SYBU: variants seen among roughly 807,000 people sequenced by gnomAD.
The protein encoded by SYBU is syntabulin, also known as GOLSYN A protein.
Under a neutral mutation model 35.9 loss-of-function variants are expected in SYBU, and 21 were observed. The observed-to-expected ratio is 0.58, with a 90% confidence interval of 0.41 to 0.84. The LOEUF is 0.84. Among genes scored for constraint, SYBU ranks in the 40% least tolerant of loss-of-function variants. The pLI is 0.00. For synonymous variants in SYBU, 319 were observed against 324.3 expected (o/e 0.98, Z 0.18); for missense variants, 768 against 848.2 (o/e 0.91, Z 1.17).
intron 3 of SYBU, among the ~76,000 whole-genome samples, chr8:109,591,069 A>G (rs1824183942): frequency 6.6e-6 from 1 of 152,234 alleles, no homozygotes; most frequent in African/African-American, 2.4e-5. Flanking sequence ...AAGACAACCT[A>G]GTTGTCCATC....
chr8:109,580,034 C>A (rs555733759), intron 4 of SYBU, 32 bp from the exon 5 acceptor site: 23 of 1,602,522 alleles, frequency 1.4e-5, no homozygotes, highest in Non-Finnish European at 1.8e-5. Context: ...TGTTAAAATT[C>A]TTGGGGCTAC....
Position 109,575,598 on chromosome 8 carries a change from T to C in SYBU, c.1300A>G (p.Ser434Gly). Reference sequence around the variant, plus strand: ...AACAAATCTGTGCTGTTGGCTATGCTATCTCCTACCAGTAGCTCCCTGTCA... The same window carrying C: ...AACAAATCTGTGCTGTTGGCTATGCCATCTCCTACCAGTAGCTCCCTGTCA... ...GADRELLVGD[S>G]IANSTDLFDE... is the part of the protein sequence containing the mutation. The change falls in exon 7 of 7, where the codon AGC becomes GGC. Residue 434 changes from serine (S) to glycine (G), a missense_variant. Ser to Gly is a moderately conservative substitution (Grantham distance 56, BLOSUM62 0). Coordinates refer to ENST00000276646, the MANE Select transcript of SYBU (RefSeq NM_001099754.2). The C allele has an allele frequency of 6.2e-7, 1 of 1,614,140 alleles. No homozygotes were observed. The highest frequency in any genetic ancestry group is 8.5e-7 in the Non-Finnish European group (1 of 1,180,028).
At chr8:109,673,977 G>A (rs1010374400) in intron 1 of SYBU, among the ~76,000 whole-genome samples, 2 of 152,060 alleles carry the variant, frequency 1.3e-5, no homozygotes, top group African/African-American at 4.8e-5. Context: ...GACAAGATTA[G>A]AGAAAAAAGA....
chr8:109,588,042 T>C (rs1438418096), intron 3 of SYBU, among the ~76,000 whole-genome samples: 1 of 152,216 alleles, frequency 6.6e-6, no homozygotes, highest in Non-Finnish European at 1.5e-5. Flanking sequence ...CAACCAGCTT[T>C]GTTTGCTAGT....
chr8:109,680,032 A>G (rs1332605090), intron 1 of SYBU, among the ~76,000 whole-genome samples: 3 of 152,216 alleles, frequency 2.0e-5, no homozygotes, highest in South Asian at 4.1e-4. Flanking sequence ...TGGCACTTCA[A>G]CCCTAACCTG....
chr8:109,638,972 T>C (rs1814548104), intron 2 of SYBU, among the ~76,000 whole-genome samples: 1 of 152,120 alleles, frequency 6.6e-6, no homozygotes, highest in African/African-American at 2.4e-5. Context: ...AGAGACAACA[T>C]ACAAATTAGC....
intron 1 of SYBU, among the ~76,000 whole-genome samples, chr8:109,653,239 C>CA (rs899281744): frequency 1.0e-4 from 15 of 144,676 alleles, no homozygotes; most frequent in South Asian, 2.1e-4. Context: ...TTTAGGTTTA[C>CA]AAAAAAAATT....
At chr8:109,684,500 T>A (rs937247565), upstream of SYBU, among the ~76,000 whole-genome samples, 1 of 152,238 alleles carries the variant, frequency 6.6e-6, no homozygotes, top group Non-Finnish European at 1.5e-5. Flanking sequence ...AATGGGCTTA[T>A]TAAACATCTG....
intron 1 of SYBU, among the ~76,000 whole-genome samples, chr8:109,690,300 A>C (rs1266686061): frequency 6.6e-6 from 1 of 152,224 alleles, no homozygotes; most frequent in Non-Finnish European, 1.5e-5. Context: ...AAAACTTGGC[A>C]TAGAGAATAC....
chr8:109,632,695 T>C (rs533823033), intron 2 of SYBU, among the ~76,000 whole-genome samples: 2 of 152,288 alleles, frequency 1.3e-5, no homozygotes, highest in East Asian at 3.9e-4. Context: ...AAAAATATAG[T>C]CTAATTCCAG....
upstream of SYBU, chr8:109,648,968 A>G (rs1001412611): frequency 7.4e-6 from 1 of 134,754 alleles, no homozygotes; most frequent in African/African-American, 2.9e-5. Flanking sequence ...CCATAAGAGC[A>G]TGTGTGATTG....
intron 3 of SYBU, among the ~76,000 whole-genome samples, chr8:109,613,821 G>C (rs989636895): frequency 1.3e-5 from 2 of 152,204 alleles, no homozygotes; most frequent in Admixed American, 6.5e-5. Flanking sequence ...AACCTTGTTG[G>C]TGCCTTTTGA....
chr8:109,650,093 G>A (rs539268760), intron 1 of SYBU, among the ~76,000 whole-genome samples: 1 of 152,248 alleles, frequency 6.6e-6, no homozygotes, highest in South Asian at 2.1e-4. Context: ...CTGAACCCAG[G>A]AGGGCAGCTA....
At chr8:109,650,349 C>T (rs1816074788) in intron 1 of SYBU, among the ~76,000 whole-genome samples, 1 of 152,126 alleles carries the variant, frequency 6.6e-6, no homozygotes, top group Admixed American at 6.5e-5. Flanking sequence ...TAAAAAATAA[C>T]TTTGTCTTTA....
chr8:109,649,229 C>T (rs985763957), upstream of SYBU, among the ~76,000 whole-genome samples: 1 of 151,884 alleles, frequency 6.6e-6, no homozygotes, highest in Non-Finnish European at 1.5e-5. Context: ...GTCTCCATCT[C>T]CTGACCTCGT....
In SYBU at chr8:109,575,012, T is replaced by C. The variant is rs1002043005; in HGVS notation, c.1886A>G (p.Gln629Arg). Residue 629 changes from glutamine (Q) to arginine (R), a missense_variant, in exon 7 of 7, where the codon CAG becomes CGG. By Grantham distance (43) the Gln-to-Arg change is conservative (BLOSUM62 1). Coordinates refer to ENST00000276646, the MANE Select transcript of SYBU (RefSeq NM_001099754.2). ...ATACACAGGATCCGTTCCCCCTCTC[T>C]GAGTACTGAATGCCCACAGAACCGT... ...VPTVLWAFST[Q>R]RGGTDPVYNI... 1 of 1,594,922 alleles carries C rather than the reference T, an allele frequency of 6.3e-7. No homozygotes were observed. Among genetic ancestry groups the C allele is most frequent in the Non-Finnish European group, 8.6e-7 (1 of 1,169,272 alleles).
chr8:109,631,100 C>T (rs1813576418), intron 2 of SYBU, among the ~76,000 whole-genome samples: 1 of 152,112 alleles, frequency 6.6e-6, no homozygotes, highest in Non-Finnish European at 1.5e-5. Flanking sequence ...GGACGCATTA[C>T]GGAGCCAGGA....
At chr8:109,689,179 G>T (rs1817587901) in intron 1 of SYBU, among the ~76,000 whole-genome samples, 1 of 152,132 alleles carries the variant, frequency 6.6e-6, no homozygotes, top group Admixed American at 6.5e-5. Context: ...ACAGGAAGTT[G>T]TAAAGATAGT....
At chr8:109,592,148 A>G (rs1824353036) in intron 3 of SYBU, among the ~76,000 whole-genome samples, 1 of 152,166 alleles carries the variant, frequency 6.6e-6, no homozygotes, top group South Asian at 2.1e-4. Context: ...AGGCCAGAAG[A>G]TGGCTTCTCA....
Sources: gnomAD v4.1 joint callset for allele counts (sites outside exome capture counted in the v4.1 genomes callset) on GRCh38, gnomAD v4.1.1 for gene constraint, MANE v1.5 for transcripts, NCBI Gene and HGNC (gene_info 2026-07-23, HGNC 2026-07-21) for gene names.